Variants in WDR41 observed in about 807,000 individuals in gnomAD.
The protein encoded by WDR41 is WD repeat-containing protein 41.
WDR41 carries 63 observed loss-of-function variants against 69.3 expected under a neutral mutation model. That is an observed-to-expected ratio of 0.91 (90% CI 0.74 to 1.12). The LOEUF is 1.12. Ranked by LOEUF, WDR41 falls within the 50% of genes most tolerant of loss-of-function variation. The probability of loss-of-function intolerance (pLI) is 0.00; values close to 1 mark genes in which losing one functional copy is unlikely to be tolerated. For missense variants in WDR41, 543 were observed against 534.5 expected (o/e 1.02, Z -0.16); for synonymous variants, 185 against 192.1 (o/e 0.96, Z 0.31).
intron 1 of WDR41, among the ~76,000 whole-genome samples, chr5:77,524,336 C>T (rs975045536): frequency 9.9e-5 from 15 of 152,086 alleles, no homozygotes; most frequent in Non-Finnish European, 1.8e-4. Flanking sequence ...ACCTGTAATC[C>T]CAGCACTTTG....
In WDR41 at chr5:77,506,852, A is replaced by T. The variant is rs137891451; in HGVS notation, c.43-17280T>A. Among the ~76,000 whole-genome samples, 1,114 of 151,730 alleles carry T rather than the reference A, an allele frequency of 7.3e-3. 12 individuals are homozygous for T. The highest frequency in any genetic ancestry group is 0.031 in the Middle Eastern group (9 of 294). Reference sequence around the variant, plus strand: ...AACTGAACAATGAGAACACTTGGACACAGGATGGGGAACATCACACACTGG... The same window carrying T: ...AACTGAACAATGAGAACACTTGGACTCAGGATGGGGAACATCACACACTGG... On this transcript the variant is annotated intron_variant, in intron 1 of 5. Coordinates refer to the WDR41 transcript ENST00000509971.
intron 8 of WDR41, among the ~76,000 whole-genome samples, chr5:77,442,892 C>G (rs1799223987): frequency 4.5e-5 from 1 of 22,064 alleles, no homozygotes; most frequent in Non-Finnish European, 6.5e-5. Context: ...ACTCTGTCTC[C>G]CCAAAAAAAA....
Position 77,484,288 on chromosome 5 carries a change from G to A in WDR41, c.167+5169C>T, listed in dbSNP as rs148461285. ...TTAGAAATAAGGAGAAAAGCAGCAA[G>A]GGTGGCACACGCATCTGTGTGATGA... On this transcript the variant is annotated intron_variant, in intron 2 of 12. Coordinates refer to ENST00000296679, the MANE Select transcript of WDR41 (RefSeq NM_018268.4). Among the ~76,000 whole-genome samples, 526 of 152,312 alleles carry A rather than the reference G, an allele frequency of 3.5e-3. 4 individuals are homozygous for A. Among genetic ancestry groups the A allele is most frequent in the African/African-American group, 0.012 (495 of 41,564 alleles).
At chr5:77,469,888 G>C (rs1176915746) in intron 2 of WDR41, among the ~76,000 whole-genome samples, 2 of 152,164 alleles carry the variant, frequency 1.3e-5, no homozygotes, top group African/African-American at 2.4e-5. Flanking sequence ...CTCCAATCTA[G>C]CAAGGCAGGC....
At chr5:77,567,475 C>T (rs1254210014) in intron 1 of WDR41, among the ~76,000 whole-genome samples, 1 of 151,962 alleles carries the variant, frequency 6.6e-6, no homozygotes, top group African/African-American at 2.4e-5. Flanking sequence ...AAAAAGAGCA[C>T]CACTTCCATC....
At chr5:77,472,377 C>T (rs1348691605) in intron 2 of WDR41, among the ~76,000 whole-genome samples, 1 of 151,432 alleles carries the variant, frequency 6.6e-6, no homozygotes, top group Admixed American at 6.6e-5. Context: ...ACAGGGATGC[C>T]CTCTCTCACC....
intron 1 of WDR41, among the ~76,000 whole-genome samples, chr5:77,614,824 G>A (rs1034418649): frequency 6.6e-5 from 10 of 151,336 alleles, no homozygotes; most frequent in Non-Finnish European, 1.2e-4. Context: ...AAAAAGAAAT[G>A]TGGAGGAGAA....
At position 77,515,434 on chromosome 5, in the gene WDR41, C is replaced by T. The variant is rs1409143723; in HGVS notation, c.43-25862G>A. On this transcript the variant is annotated intron_variant, in intron 1 of 5. Transcript: ENST00000509971. ...ACTGTCATCTATTATGACAACAATG[C>T]CTTTCCCTGGAAAATCTCCTGAAGG... Among the ~76,000 whole-genome samples the T allele has an allele frequency of 2.6e-5, 4 of 152,118 alleles. No homozygotes were observed. The South Asian group carries it at 8.3e-4, about 32-fold the overall frequency.
At chr5:77,590,935 GACTTGGATT>G (rs1744126688) in intron 1 of WDR41, among the ~76,000 whole-genome samples, 1 of 152,050 alleles carries the variant, frequency 6.6e-6, no homozygotes, top group East Asian at 1.9e-4. Context: ...GTTTATGTAA[GACTTGGATT>G]ACCTAATGTT....
chr5:77,584,012 A>G (rs1196120141), intron 1 of WDR41, among the ~76,000 whole-genome samples: 1 of 152,236 alleles, frequency 6.6e-6, no homozygotes, highest in Admixed American at 6.5e-5. Context: ...CAATAGATGC[A>G]GAATAATCAT....
intron 1 of WDR41, among the ~76,000 whole-genome samples, chr5:77,564,449 C>A (rs1743583053): frequency 6.6e-6 from 1 of 152,070 alleles, no homozygotes; most frequent in South Asian, 2.1e-4. Context: ...TGTGGAACAT[C>A]CCATTAAGAC....
intron 1 of WDR41, among the ~76,000 whole-genome samples, chr5:77,586,004 T>C (rs925043048): frequency 6.6e-6 from 1 of 152,186 alleles, no homozygotes; most frequent in Non-Finnish European, 1.5e-5. Flanking sequence ...TAATTTAAAA[T>C]ATATTGAACT....
rs1475211553 is a variant in WDR41 at position 77,558,107 on chromosome 5, AAAAAAAAAAC to A, written c.42+62362_42+62371del. Among the ~76,000 whole-genome samples the A allele has an allele frequency of 1.8e-3, 266 of 148,610 alleles. 3 individuals are homozygous for A. The highest frequency in any genetic ancestry group is 6.1e-3 in the African/African-American group (245 of 40,284). ...AAATGTTCTTTTTAAAAAAAAAAAA[AAAAAAAAAAC>A]AAAACAGGAGTAGGTATGTAGGTAA... On this transcript the variant is annotated intron_variant, in intron 1 of 5. Coordinates refer to the WDR41 transcript ENST00000509971.
chr5:77,576,555 C>G (rs1166807958), intron 1 of WDR41, among the ~76,000 whole-genome samples: 1 of 152,142 alleles, frequency 6.6e-6, no homozygotes, highest in Non-Finnish European at 1.5e-5. Flanking sequence ...GTTCTCTGTT[C>G]CCCACTTCTT....
At chr5:77,519,337 CAA>C (rs1802339050) in intron 1 of WDR41, among the ~76,000 whole-genome samples, 1 of 151,862 alleles carries the variant, frequency 6.6e-6, no homozygotes. Flanking sequence ...ACACCATAAT[CAA>C]TTATACTGTA....
chr5:77,617,175 T>C (rs1183275747), intron 1 of WDR41, among the ~76,000 whole-genome samples: 1 of 152,224 alleles, frequency 6.6e-6, no homozygotes, highest in Non-Finnish European at 1.5e-5. Flanking sequence ...AAGCCACATG[T>C]GGGTTTTGAG....
At chr5:77,582,522 T>C in intron 1 of WDR41, 2 of 1,599,270 alleles carry the variant, frequency 1.3e-6, no homozygotes, top group Non-Finnish European at 1.7e-6. Flanking sequence ...GGAGGAAGCT[T>C]ATCTATGAAA....
chr5:77,549,892 C>T (rs565680303), intron 1 of WDR41, among the ~76,000 whole-genome samples: 13 of 152,090 alleles, frequency 8.5e-5, no homozygotes, highest in Non-Finnish European at 1.9e-4. Flanking sequence ...AGTACAAAAA[C>T]AGACACATAG....
chr5:77,564,039 T>C (rs549999616), intron 1 of WDR41, among the ~76,000 whole-genome samples: 1 of 152,326 alleles, frequency 6.6e-6, no homozygotes, highest in East Asian at 1.9e-4. Context: ...TGTTCTCATC[T>C]ATAAAATATG....
Sources: allele counts gnomAD v4.1 joint callset (sites outside exome capture counted in the v4.1 genomes callset), GRCh38; gene constraint gnomAD v4.1.1; transcripts MANE v1.5; gene names NCBI Gene and HGNC (gene_info 2026-07-23, HGNC 2026-07-21).